The following IFT81 variants were observed in gnomAD, a reference collection of about 807,000 sequenced individuals.
The protein encoded by IFT81 is intraflagellar transport protein 81 homolog.
IFT81 carries 72 observed loss-of-function variants against 102.6 expected under a neutral mutation model. The ratio of observed to expected loss-of-function variants is 0.70; its 90% CI spans 0.58 to 0.85. The LOEUF (loss-of-function observed/expected upper bound fraction) is 0.85. Among genes scored for constraint, IFT81 ranks in the 40% least tolerant of loss-of-function variants. The pLI, the probability that IFT81 is intolerant of heterozygous loss-of-function variation, is 0.00. For synonymous variants in IFT81, 237 were observed against 242.7 expected (o/e 0.98, Z 0.22); for missense variants, 723 against 787.3 (o/e 0.92, Z 0.98).
At chr12:110,135,061 C>T in intron 6 of IFT81, 48 bp downstream of exon 6, 1 of 1,370,070 alleles carries the variant, frequency 7.3e-7, no homozygotes, top group Non-Finnish European at 1.0e-6. Context: ...GTCCCAAGGA[C>T]TTGCAAAGAT....
In IFT81 at chr12:110,135,033, G is replaced by A; in HGVS notation, c.585+20G>A. The A allele has an allele frequency of 6.4e-7, 1 of 1,568,084 alleles. No individual in the cohort carries two copies. Among genetic ancestry groups the A allele is most frequent in the Non-Finnish European group, 8.7e-7 (1 of 1,153,476 alleles). On this transcript the variant is annotated intron_variant, in intron 6 of 18. Coordinates refer to ENST00000242591, the MANE Select transcript of IFT81 (RefSeq NM_014055.4). ...AAAAGGGTAAGGCAGAATTAGTACTGTAAGACTTTGGCCCCAAGTCCCAAG... is the reference window on the plus strand; with the variant it reads ...AAAAGGGTAAGGCAGAATTAGTACTATAAGACTTTGGCCCCAAGTCCCAAG...
chr12:110,186,415 G>A lies in IFT81; in HGVS notation c.1339-4505G>A, dbSNP rs76390846. ...GGTCTGTAAAGCTTCTTGAATATGT[G>A]GCTTTATGTCTTTGTTCATTTTTGA... On this transcript the variant is annotated intron_variant, in intron 12 of 18. Coordinates refer to ENST00000242591, the MANE Select transcript of IFT81 (RefSeq NM_014055.4). Among the ~76,000 whole-genome samples the A allele has an allele frequency of 5.1e-3, 783 of 152,098 alleles. 5 individuals are homozygous for A. Among genetic ancestry groups the A allele is most frequent in the African/African-American group, 0.018 (743 of 41,494 alleles).
intron 10 of IFT81, among the ~76,000 whole-genome samples, chr12:110,153,490 C>T (rs1046334657): frequency 2.0e-5 from 3 of 151,500 alleles, no homozygotes; most frequent in Non-Finnish European, 2.9e-5. Flanking sequence ...CCACCTGCCT[C>T]GGCTGCCAAA....
At chr12:110,147,823 TTCA>T (rs1895309710) in intron 10 of IFT81, among the ~76,000 whole-genome samples, 1 of 152,206 alleles carries the variant, frequency 6.6e-6, no homozygotes, top group Non-Finnish European at 1.5e-5. Flanking sequence ...TATCTTAGAC[TTCA>T]TCATAACATT....
intron 17 of IFT81, among the ~76,000 whole-genome samples, chr12:110,206,396 C>G (rs992789127): frequency 2.6e-5 from 4 of 152,204 alleles, no homozygotes; most frequent in Admixed American, 2.0e-4. Flanking sequence ...CTTCTTTGCT[C>G]CTCATCACAA....
At chr12:110,131,036 ACT>A in intron 4 of IFT81, among the ~76,000 whole-genome samples, 1 of 152,244 alleles carries the variant, frequency 6.6e-6, no homozygotes, top group South Asian at 2.1e-4. Flanking sequence ...TAATCCTAGC[ACT>A]TTGGGAGGCC....
At chr12:110,167,381 T>C (rs1284349784) in intron 11 of IFT81, among the ~76,000 whole-genome samples, 2 of 152,192 alleles carry the variant, frequency 1.3e-5, no homozygotes, top group African/African-American at 4.8e-5. Flanking sequence ...TTCTCAGTGA[T>C]AAAAGATACA....
At chr12:110,154,106 C>G (rs1180636847) in intron 10 of IFT81, among the ~76,000 whole-genome samples, 1 of 151,988 alleles carries the variant, frequency 6.6e-6, no homozygotes, top group Admixed American at 6.6e-5. Flanking sequence ...CCTCAGCCTT[C>G]CAAGTAGCTG....
intron 11 of IFT81, among the ~76,000 whole-genome samples, chr12:110,163,494 G>A (rs1896260101): frequency 1.3e-5 from 2 of 151,994 alleles, no homozygotes; most frequent in Admixed American, 1.3e-4. Flanking sequence ...GCCTGCCTTG[G>A]CCTCCCAAAG....
chr12:110,195,800 T>C lies in IFT81; in HGVS notation c.1557+3094T>C, dbSNP rs572788948. 8.5e-5 allele frequency among the ~76,000 whole-genome samples: 13 copies of C among 152,358 alleles called. No homozygotes were observed. The South Asian group carries it at 1.7e-3, about 19-fold the overall frequency. On this transcript the variant is annotated intron_variant, in intron 14 of 18. Transcript: ENST00000242591. Reference sequence around the variant, plus strand: ...AGAACAATATTCCCTGATGAGTTCTTGCATGTTCTAGTTTATTGCCTAAAC... The same window carrying C: ...AGAACAATATTCCCTGATGAGTTCTCGCATGTTCTAGTTTATTGCCTAAAC...
At chr12:110,128,274 G>A (rs1893962365) in intron 3 of IFT81, 125 bp downstream of exon 3, 1 of 618,832 alleles carries the variant, frequency 1.6e-6, no homozygotes. Context: ...GAACATCACT[G>A]AGTTTCAAAA....
intron 10 of IFT81, among the ~76,000 whole-genome samples, chr12:110,152,725 C>T (rs1895610727): frequency 6.6e-6 from 1 of 151,942 alleles, no homozygotes; most frequent in African/African-American, 2.4e-5. Context: ...TCCTCAGTCT[C>T]CCAAGTAGCT....
intron 14 of IFT81, among the ~76,000 whole-genome samples, chr12:110,202,709 C>T (rs1343473214): frequency 6.6e-6 from 1 of 151,552 alleles, no homozygotes; most frequent in East Asian, 1.9e-4. Context: ...CACCTGGCCT[C>T]CCAAAGTGCT....
rs1031642634 is a variant in IFT81 at position 110,180,925 on chromosome 12, A to G, written c.1338+354A>G. On this transcript the variant is annotated intron_variant, in intron 12 of 18. Coordinates refer to ENST00000242591, the MANE Select transcript of IFT81 (RefSeq NM_014055.4). Reference sequence around the variant, plus strand: ...CAGAAATTTCTAAGCAGCCACTTCCAAGAAGCTTTGGAAAGAAATATCCAG... The same window carrying G: ...CAGAAATTTCTAAGCAGCCACTTCCGAGAAGCTTTGGAAAGAAATATCCAG... Among the ~76,000 whole-genome samples, 23 of 152,208 alleles carry G rather than the reference A, an allele frequency of 1.5e-4. 1 individual carries two copies. The highest frequency in any genetic ancestry group is 5.1e-4 in the African/African-American group (21 of 41,450).
intron 10 of IFT81, among the ~76,000 whole-genome samples, chr12:110,154,126 G>A (rs574158972): frequency 1.9e-4 from 29 of 152,048 alleles, no homozygotes; most frequent in African/African-American, 7.0e-4. Flanking sequence ...GAGATTACAG[G>A]TGCCTGCCAC....
chr12:110,139,866 TATAAA>T lies in IFT81; in HGVS notation c.781+3043_781+3047del, dbSNP rs1222136752. On this transcript the variant is annotated intron_variant, in intron 8 of 18. Transcript: ENST00000242591. ...ATAAAATAAATAAAATAAAATAAAA[TATAAA>T]ATAAAATAAAATAAAATAAAATAAA... is the stretch of plus-strand genomic sequence containing the variant. 4.3e-3 allele frequency among the ~76,000 whole-genome samples: 561 copies of T among 130,050 alleles called. 5 individuals are homozygous for T. The highest frequency in any genetic ancestry group is 0.01 in the African/African-American group (325 of 32,386). 85.3% of individuals were successfully genotyped at this position (130,050 alleles called of 152,430 possible).
At chr12:110,146,477 A>C (rs1013498194) in intron 9 of IFT81, among the ~76,000 whole-genome samples, 14 of 152,174 alleles carry the variant, frequency 9.2e-5, no homozygotes, top group African/African-American at 3.4e-4. Flanking sequence ...GATTTTTAGA[A>C]AGCATCTTTG....
chr12:110,146,905 T>C (rs1340360889), intron 9 of IFT81, 48 bp from the exon 10 acceptor site: 1 of 1,555,328 alleles, frequency 6.4e-7, no homozygotes, highest in African/African-American at 1.4e-5. Flanking sequence ...GTTTGTGTAC[T>C]TATAGGGAAA....
chr12:110,163,860 C>T (rs572080599), intron 11 of IFT81, among the ~76,000 whole-genome samples: 16 of 148,914 alleles, frequency 1.1e-4, no homozygotes, highest in Admixed American at 7.3e-4. Context: ...ATGATCTGCC[C>T]GCCTCGGCCT....
Sources: gnomAD v4.1 joint callset for allele counts (sites outside exome capture counted in the v4.1 genomes callset) on GRCh38, gnomAD v4.1.1 for gene constraint, MANE v1.5 for transcripts, NCBI Gene and HGNC (gene_info 2026-07-23, HGNC 2026-07-21) for gene names.